C9orf50: variants seen among roughly 807,000 people sequenced by gnomAD.
The protein encoded by C9orf50 is chromosome 9 open reading frame 50.
A neutral mutation model predicts 42.5 loss-of-function variants in C9orf50; 33 were observed. The observed-to-expected ratio is 0.78, with a 90% CI of 0.59 to 1.04. C9orf50 has a LOEUF of 1.04. C9orf50 is among the 50% of genes least tolerant of loss of function. The pLI is 0.00. For synonymous variants in C9orf50, 257 were observed against 273.4 expected, an observed-to-expected ratio of 0.94 and a Z score of 0.59; for missense variants, 547 against 594.3, an observed-to-expected ratio of 0.92 and a Z score of 0.83.
At position 129,612,374 on chromosome 9, in the gene C9orf50, G is replaced by A. The variant is rs372409652; in HGVS notation, c.1269C>T (p.Ser423=). The A allele has an allele frequency of 1.3e-5, 21 of 1,613,698 alleles. No homozygotes were observed. The Admixed American group carries it at 1.3e-4, about 10-fold the overall frequency. ...ACCTCTTATCTGGCTGCAGTGTTGC[G>A]GAGGCCAGGAGGAGATGGTACCCCT... Residue 423 remains serine (S), a synonymous_variant, in exon 7 of 7, where the codon TCC becomes TCT. Coordinates refer to ENST00000372478, the Ensembl canonical transcript of C9orf50.
At chr9:129,615,039 G>A (rs1231220215) in intron 4 of C9orf50, among the ~76,000 whole-genome samples, 2 of 152,230 alleles carry the variant, frequency 1.3e-5, no homozygotes, top group East Asian at 1.9e-4. Context: ...TTTCCGCTTC[G>A]CGGCTTTTCT....
chr9:129,620,148 G>A lies in C9orf50; in HGVS notation c.427C>T (p.Leu143=). The A allele has an allele frequency of 2.0e-6, 3 of 1,464,154 alleles. No individual in the cohort carries two copies. The highest frequency in any genetic ancestry group is 2.7e-6 in the Non-Finnish European group (3 of 1,104,358). The allele number at this position is 1,464,154 out of a possible 1,614,324, so 90.7% of individuals were successfully genotyped here. A position where few individuals can be genotyped will look rare whatever the true frequency, so the allele number is the denominator to read the frequency against. ...AACCTGCTGGGGAGGAGCTCTCCTAGGAAGGCGCCCAAGAAGTCGGGGTCC... is the reference window on the plus strand; with the variant it reads ...AACCTGCTGGGGAGGAGCTCTCCTAAGAAGGCGCCCAAGAAGTCGGGGTCC... The change falls in exon 1 of 7, where the codon CTA becomes TTA. Residue 143 remains leucine, a synonymous_variant. Coordinates refer to ENST00000372478, the Ensembl canonical transcript of C9orf50. This position sits in a 1 kb window ranked among gnomAD's most constrained non-coding sequence, Gnocchi z 5.8.
chr9:129,620,423 TC>T lies in C9orf50; in HGVS notation c.151del (p.Asp51ThrfsTer93). The T allele has an allele frequency of 1.6e-6, 2 of 1,253,450 alleles. No homozygotes were observed. The highest frequency in any genetic ancestry group is 3.1e-5 in the South Asian group (1 of 32,584). 77.6% of individuals were successfully genotyped at this position (1,253,450 alleles called of 1,614,324 possible). Reference sequence around the variant, plus strand: ...GGCGCCGCCCCCCGGGATCCTCCAGTCCCCGGAGCCCCGCGCGCCCAGAGCC... The same window carrying T: ...GGCGCCGCCCCCCGGGATCCTCCAGTCCCGGAGCCCCGCGCGCCCAGAGCC... On this transcript the variant is annotated frameshift_variant, in exon 1 of 7. Coordinates refer to ENST00000372478, the Ensembl canonical transcript of C9orf50. LOFTEE classifies it high-confidence loss of function. This position sits in a 1 kb window ranked among gnomAD's most constrained non-coding sequence, Gnocchi z 5.8.
chr9:129,613,561 A>C lies in C9orf50; in HGVS notation c.917T>G (p.Leu306Arg). 6.2e-7 allele frequency: 1 copy of C among 1,614,174 alleles called. No individual in the cohort carries two copies. Residue 306 changes from leucine to arginine, a missense_variant, in exon 5 of 7, where the codon CTG (leucine) becomes CGG (arginine). Leu to Arg is a moderately radical substitution (Grantham distance 102, BLOSUM62 -2). Coordinates refer to ENST00000372478, the Ensembl canonical transcript of C9orf50. This position sits in a 1 kb window ranked among gnomAD's most constrained non-coding sequence, Gnocchi z 6.2. ...AAACACCCGCTCGGACGCCACTGGCAGGGCGGCCTTCTGGTTCACAATGAC... is the reference window on the plus strand; with the variant it reads ...AAACACCCGCTCGGACGCCACTGGCCGGGCGGCCTTCTGGTTCACAATGAC...
intron 3 of C9orf50, among the ~76,000 whole-genome samples, chr9:129,616,383 T>C (rs1383494922): frequency 6.6e-6 from 1 of 152,024 alleles, no homozygotes; most frequent in East Asian, 1.9e-4. Flanking sequence ...GCCCGGCTAA[T>C]TTTTGTATTT....
rs3054726 is a variant in C9orf50 at position 129,614,903 on chromosome 9, G to GAA, written c.880+579_880+580dup. Among the ~76,000 whole-genome samples, 7,193 of 144,364 alleles carry GAA rather than the reference G, an allele frequency of 0.05. 272 individuals carry two copies. Among genetic ancestry groups the GAA allele is most frequent in the African/African-American group, 0.11 (4,199 of 39,514 alleles). 94.7% of individuals were successfully genotyped at this position (144,364 alleles called of 152,430 possible). Reference sequence around the variant, plus strand: ...GGCGACAGAGTGAGACTCCGTATCAGAAAAAAAAAAAGAAAAAGAAAACTC... The same window carrying GAA: ...GGCGACAGAGTGAGACTCCGTATCAGAAAAAAAAAAAAAGAAAAAGAAAACTC... On this transcript the variant is annotated intron_variant, in intron 4 of 6. Coordinates refer to ENST00000372478, the Ensembl canonical transcript of C9orf50. This position sits in a 1 kb window ranked among gnomAD's most constrained non-coding sequence, Gnocchi z 4.4.
exon 7 of C9orf50, chr9:129,612,366 A>G: frequency 1.2e-6 from 2 of 1,613,742 alleles, no homozygotes; most frequent in Non-Finnish European, 1.7e-6. Flanking sequence ...ATCTGGCTGC[A>G]GTGTTGCGGA....
chr9:129,619,310 A>G (rs1830553490), intron 3 of C9orf50, among the ~76,000 whole-genome samples: 1 of 152,206 alleles, frequency 6.6e-6, no homozygotes, highest in African/African-American at 2.4e-5. Context: ...AGAAGACCTC[A>G]TTAATGGATG....
At position 129,613,012 on chromosome 9, in the gene C9orf50, G is replaced by A; in HGVS notation, c.1188+95C>T. 2 of 1,524,612 alleles carry A rather than the reference G, an allele frequency of 1.3e-6. No individual in the cohort carries two copies. The highest frequency in any genetic ancestry group is 3.6e-5 in the Admixed American group (2 of 55,262). 94.4% of individuals were successfully genotyped at this position (1,524,612 alleles called of 1,614,324 possible). The stretch of plus-strand genomic sequence containing the variant: ...GGCTCTCAGGGAGGGTCCACTCCCA[G>A]CCCCAGCCACTCCACCAAACAGGGC... On this transcript the variant is annotated intron_variant, in intron 6 of 6. Transcript: ENST00000372478. The surrounding 1 kb of genome is among the most constrained non-coding windows in gnomAD (Gnocchi z 6.2).
At chr9:129,618,509 A>G (rs1830501804) in intron 3 of C9orf50, among the ~76,000 whole-genome samples, 1 of 152,036 alleles carries the variant, frequency 6.6e-6, no homozygotes, top group Admixed American at 6.6e-5. Context: ...AGATGGACAG[A>G]TGCGTGGCTG....
chr9:129,613,682 G>C lies in C9orf50; in HGVS notation c.881-85C>G. 2 of 1,545,844 alleles carry C rather than the reference G, an allele frequency of 1.3e-6. No individual in the cohort carries two copies. Among genetic ancestry groups the C allele is most frequent in the Non-Finnish European group, 1.8e-6 (2 of 1,135,156 alleles). ...CCTCTTTTCCTCCCTCTGGCAGGCA[G>C]GGCCGGTCAGAGCCCTGTCTCCATG... On this transcript the variant is annotated intron_variant, in intron 4 of 6. Transcript: ENST00000372478. The surrounding 1 kb of genome is among the most constrained non-coding windows in gnomAD (Gnocchi z 6.2).
chr9:129,612,515 C>T (rs1830141764), intron 6 of C9orf50, 61 bp from the exon 7 acceptor site: 1 of 1,329,338 alleles, frequency 7.5e-7, no homozygotes, highest in Non-Finnish European at 1.1e-6. Context: ...GGACTGGGCT[C>T]CCAGTGGGAT....
exon 7 of C9orf50, chr9:129,612,299 C>T (rs755583228): frequency 2.7e-6 from 4 of 1,507,534 alleles, no homozygotes; most frequent in East Asian, 2.3e-5. Context: ...GAAGGACGCT[C>T]CTCATTGCCT....
At chr9:129,619,873 G>A (rs764628873) in intron 1 of C9orf50, 43 bp from the exon 2 acceptor site, 6 of 1,598,608 alleles carry the variant, frequency 3.8e-6, no homozygotes, top group Non-Finnish European at 5.1e-6. Context: ...GCTGGGGGAC[G>A]GTCCTTTCTA....
intron 4 of C9orf50, 113 bp downstream of exon 4, chr9:129,615,371 C>T: frequency 8.7e-7 from 1 of 1,154,918 alleles, no homozygotes; most frequent in Non-Finnish European, 1.2e-6. Flanking sequence ...GATCACTGAT[C>T]TCTTGGCCTT....
In C9orf50 at chr9:129,614,541, C is replaced by A. The variant is rs1830256744; in HGVS notation, c.880+943G>T. Among the ~76,000 whole-genome samples the A allele has an allele frequency of 6.6e-6, 1 of 152,168 alleles. No homozygotes were observed. Among genetic ancestry groups the A allele is most frequent in the Non-Finnish European group, 1.5e-5 (1 of 68,034 alleles). Reference sequence around the variant, plus strand: ...GCTGGGCACACAGAAAAAGGTGGAGCTTAGTCAAGGTTATACCAGAGTAAG... The same window carrying A: ...GCTGGGCACACAGAAAAAGGTGGAGATTAGTCAAGGTTATACCAGAGTAAG... On this transcript the variant is annotated intron_variant, in intron 4 of 6. Transcript: ENST00000372478. This position sits in a 1 kb window ranked among gnomAD's most constrained non-coding sequence, Gnocchi z 4.4.
chr9:129,612,395 C>A (rs1423140029), exon 7 of C9orf50: 2 of 1,613,916 alleles, frequency 1.2e-6, no homozygotes, highest in Non-Finnish European at 1.7e-6. Flanking sequence ...GGAGATGGTA[C>A]CCCTTAGGGC....
chr9:129,612,345 G>A (rs775769074), exon 7 of C9orf50: 103 of 1,612,842 alleles, frequency 6.4e-5, no homozygotes, highest in Non-Finnish European at 8.6e-5. Flanking sequence ...GTTCGCGAGT[G>A]TTCACCTCTT....
rs1174062646 is a variant in C9orf50, at chr9:129,620,424, C to T, written c.151G>A (p.Asp51Asn). The T allele has an allele frequency of 6.4e-6, 8 of 1,259,004 alleles. No individual in the cohort carries two copies. The highest frequency in any genetic ancestry group is 6.2e-5 in the African/African-American group (4 of 64,410). The allele number at this position is 1,259,004 out of a possible 1,614,324, so 78.0% of individuals were successfully genotyped here. A position where few individuals can be genotyped will look rare whatever the true frequency, so the allele number is the denominator to read the frequency against. ...GCGCCGCCCCCCGGGATCCTCCAGT[C>T]CCCGGAGCCCCGCGCGCCCAGAGCC... Residue 51 changes from aspartate to asparagine, a missense_variant, in exon 1 of 7, where the codon GAC (aspartate) becomes AAC (asparagine). By Grantham distance (23) the Asp-to-Asn change is conservative. Coordinates refer to ENST00000372478, the Ensembl canonical transcript of C9orf50. This position sits in a 1 kb window ranked among gnomAD's most constrained non-coding sequence, Gnocchi z 5.8.
Sources: gnomAD v4.1 joint callset for allele counts (sites outside exome capture counted in the v4.1 genomes callset) on GRCh38, gnomAD v4.1.1 for gene constraint, Gnocchi (gnomAD v3.1) non-coding constraint, MANE v1.5 for transcripts, NCBI Gene and HGNC (gene_info 2026-07-23, HGNC 2026-07-21) for gene names.